THSD4: variants seen among roughly 807,000 people sequenced by gnomAD.
The protein encoded by THSD4 is thrombospondin type-1 domain-containing protein 4.
Under a neutral mutation model 119.0 loss-of-function variants are expected in THSD4, and 69 were observed. The ratio of observed to expected loss-of-function variants is 0.58; its 90% CI spans 0.48 to 0.71. The LOEUF (loss-of-function observed/expected upper bound fraction) is 0.71, where lower values mean the gene tolerates loss of function less well. Among genes scored for constraint, THSD4 ranks in the 30% least tolerant of loss-of-function variants. The probability of loss-of-function intolerance (pLI) is 0.00; values close to 1 mark genes in which losing one functional copy is unlikely to be tolerated. For synonymous variants in THSD4, 524 were observed against 540.4 expected, an observed-to-expected ratio of 0.97 and a Z score of 0.42; for missense variants, 1,393 against 1,391.1, an observed-to-expected ratio of 1.00 and a Z score of -0.02.
chr15:71,508,422 G>T (rs1376470657), intron 7 of THSD4, among the ~76,000 whole-genome samples: 4 of 152,206 alleles, frequency 2.6e-5, no homozygotes, highest in Admixed American at 1.3e-4. Context: ...GATGGTCATG[G>T]TTACCTTGGC....
At chr15:71,323,857 C>T (rs371158716) in intron 6 of THSD4, among the ~76,000 whole-genome samples, 4 of 152,298 alleles carry the variant, frequency 2.6e-5, no homozygotes, top group East Asian at 1.9e-4. Context: ...TCAAAGAATG[C>T]TGCTACTATT....
chr15:71,659,085 T>C (rs8035889), intron 7 of THSD4, among the ~76,000 whole-genome samples: 39,689 of 152,172 alleles, frequency 0.26, 5,964 homozygotes, highest in East Asian at 0.7. Flanking sequence ...GTCCTAGAGA[T>C]GTGGTCTGAT....
chr15:71,584,270 T>C lies in THSD4; in HGVS notation c.1153-76260T>C, dbSNP rs1285804282. On this transcript the variant is annotated intron_variant, in intron 7 of 17. Transcript: ENST00000261862. ...ATTTTTTTTTTCACTTTCTTTTTTTTTTTTTTTTTTTTTTTGAGACAATGT... is the reference window on the plus strand; with the variant it reads ...ATTTTTTTTTTCACTTTCTTTTTTTCTTTTTTTTTTTTTTTGAGACAATGT... Among the ~76,000 whole-genome samples, 62 of 97,652 alleles carry C rather than the reference T, an allele frequency of 6.3e-4. 2 individuals are homozygous for C. The Admixed American group carries it at 6.4e-3, about 10-fold the overall frequency. 64.1% of individuals were successfully genotyped at this position (97,652 alleles called of 152,430 possible).
intron 6 of THSD4, 35 bp downstream of exon 6, chr15:71,256,750 C>G: frequency 6.3e-7 from 1 of 1,581,758 alleles, no homozygotes; most frequent in Non-Finnish European, 8.7e-7. Context: ...ATAGAAGTTA[C>G]TTTAGTCTGT....
intron 6 of THSD4, among the ~76,000 whole-genome samples, chr15:71,363,693 G>A (rs995719448): frequency 2.0e-5 from 3 of 152,112 alleles, no homozygotes; most frequent in South Asian, 2.1e-4. Flanking sequence ...AGGAGAGAAC[G>A]GACACATATA....
chr15:71,704,042 G>T (rs548412771), intron 8 of THSD4, among the ~76,000 whole-genome samples: 7 of 152,176 alleles, frequency 4.6e-5, no homozygotes, highest in African/African-American at 1.4e-4. Flanking sequence ...TAGAGACGGG[G>T]TTTCACCATG....
chr15:71,700,953 A>C (rs2052277079), intron 8 of THSD4, among the ~76,000 whole-genome samples: 1 of 152,128 alleles, frequency 6.6e-6, no homozygotes, highest in African/African-American at 2.4e-5. Context: ...AATATTTTTA[A>C]ATTTTGTGGT....
intron 1 of THSD4, among the ~76,000 whole-genome samples, chr15:71,134,812 A>G (rs1031925620): frequency 6.6e-6 from 1 of 152,180 alleles, no homozygotes; most frequent in Non-Finnish European, 1.5e-5. Context: ...AATGATTGCC[A>G]TTCTAAGGGA....
chr15:71,142,948 A>C (rs747895925), intron 2 of THSD4, among the ~76,000 whole-genome samples: 2 of 152,248 alleles, frequency 1.3e-5, no homozygotes, highest in Admixed American at 6.5e-5. Flanking sequence ...CCAGGGCTAG[A>C]GCATTTGCCA....
intron 4 of THSD4, among the ~76,000 whole-genome samples, chr15:71,235,370 T>G (rs2044095168): frequency 6.6e-6 from 1 of 152,198 alleles, no homozygotes. Flanking sequence ...CACATGGACA[T>G]TATTCATTAG....
chr15:71,351,485 G>T (rs2045742953), intron 6 of THSD4, among the ~76,000 whole-genome samples: 1 of 152,128 alleles, frequency 6.6e-6, no homozygotes, highest in Non-Finnish European at 1.5e-5. Context: ...TCAAATTATG[G>T]ATTTCATCAG....
intron 6 of THSD4, among the ~76,000 whole-genome samples, chr15:71,299,058 C>G (rs543051629): frequency 4.6e-4 from 70 of 152,294 alleles, no homozygotes; most frequent in Middle Eastern, 3.4e-3. Context: ...TCGCCTTTAT[C>G]TTACTGAGTT....
intron 6 of THSD4, among the ~76,000 whole-genome samples, chr15:71,363,335 G>A (rs1038432020): frequency 6.6e-6 from 1 of 152,194 alleles, no homozygotes; most frequent in Non-Finnish European, 1.5e-5. Context: ...GCCATAGTTT[G>A]CCAACCTTGG....
chr15:71,157,876 G>C (rs1455646477), intron 3 of THSD4, among the ~76,000 whole-genome samples: 1 of 151,560 alleles, frequency 6.6e-6, no homozygotes. Flanking sequence ...TTTCTTTTCT[G>C]TTCATTTGTT....
chr15:71,422,081 T>C (rs1189177950), intron 7 of THSD4, among the ~76,000 whole-genome samples: 1 of 152,246 alleles, frequency 6.6e-6, no homozygotes, highest in Admixed American at 6.5e-5. Context: ...TCTGCTGAGT[T>C]TCCTCAAGAC....
intron 7 of THSD4, among the ~76,000 whole-genome samples, chr15:71,653,757 A>AT (rs1304413772): frequency 1.3e-5 from 2 of 152,074 alleles, no homozygotes; most frequent in Non-Finnish European, 2.9e-5. Flanking sequence ...TTTGAAGTAT[A>AT]TTTTTTTCTA....
At chr15:71,411,901 A>G (rs2046694917) in intron 7 of THSD4, 78 bp downstream of exon 7, 3 of 1,579,628 alleles carry the variant, frequency 1.9e-6, no homozygotes, top group Non-Finnish European at 2.6e-6. Flanking sequence ...CCAGGGAGAG[A>G]CTAGGCTGCT....
At chr15:71,518,891 G>C (rs1330067079) in intron 7 of THSD4, among the ~76,000 whole-genome samples, 2 of 152,130 alleles carry the variant, frequency 1.3e-5, no homozygotes, top group African/African-American at 4.8e-5. Flanking sequence ...AACAATAAAG[G>C]CAACACTCCT....
chr15:71,744,408 G>A (rs551511161), intron 11 of THSD4, among the ~76,000 whole-genome samples: 3 of 152,262 alleles, frequency 2.0e-5, no homozygotes, highest in African/African-American at 7.2e-5. Context: ...GGTCTCATGG[G>A]AAGTAGACAA....
Sources: gnomAD v4.1 joint callset for allele counts (sites outside exome capture counted in the v4.1 genomes callset) on GRCh38, gnomAD v4.1.1 for gene constraint, MANE v1.5 for transcripts, NCBI Gene and HGNC (gene_info 2026-07-23, HGNC 2026-07-21) for gene names.